Variants in OSBPL10 observed in about 807,000 individuals in gnomAD.
The protein encoded by OSBPL10 is oxysterol binding protein like 10.
OSBPL10 carries 49 observed loss-of-function variants against 81.7 expected under a neutral mutation model. The observed-to-expected ratio is 0.60, with a 90% CI of 0.48 to 0.76. The LOEUF is 0.76. Among genes scored for constraint, OSBPL10 ranks in the 30% least tolerant of loss-of-function variants. The probability of loss-of-function intolerance (pLI) is 0.00; values close to 1 mark genes in which losing one functional copy is unlikely to be tolerated. For missense variants in OSBPL10, 923 were observed against 987.8 expected, an observed-to-expected ratio of 0.93 and a Z score of 0.88; for synonymous variants, 419 against 383.6, an observed-to-expected ratio of 1.09 and a Z score of -1.08.
chr3:31,930,300 C>G (rs1697204984), intron 1 of OSBPL10, among the ~76,000 whole-genome samples: 1 of 152,098 alleles, frequency 6.6e-6, no homozygotes, highest in African/African-American at 2.4e-5. Flanking sequence ...CCTGAGAAAT[C>G]ATTTTTACCT....
At chr3:31,951,756 A>G (rs762507868) in intron 1 of OSBPL10, among the ~76,000 whole-genome samples, 1 of 151,608 alleles carries the variant, frequency 6.6e-6, no homozygotes, top group Non-Finnish European at 1.5e-5. Flanking sequence ...AGTATTTATT[A>G]TTATTCCCAT....
rs571450264 is a variant in OSBPL10, at chr3:32,042,873, CCAAAGATCACAAGGCAAAGGGCAAAAG to C, written n.298+3591_298+3617del. Among the ~76,000 whole-genome samples the C allele has an allele frequency of 3.4e-4, 52 of 152,110 alleles. No individual in the cohort carries two copies. The South Asian group carries it at 8.9e-3, about 26-fold the overall frequency. ...AAAATCAGAAACTCCTGATAAGGGTCCAAAGATCACAAGGCAAAGGGCAAAAGCAAAGATCACAAGGCAAAGGGCAAA... is the reference window on the plus strand; with the variant it reads ...AAAATCAGAAACTCCTGATAAGGGTCCAAAGATCACAAGGCAAAGGGCAAA... On this transcript the variant is annotated intron_variant and non_coding_transcript_variant, in intron 2 of 3. Coordinates refer to the OSBPL10 transcript ENST00000479173.
chr3:31,734,817 A>T (rs528835403), intron 5 of OSBPL10, among the ~76,000 whole-genome samples: 3 of 152,348 alleles, frequency 2.0e-5, no homozygotes, highest in African/African-American at 7.2e-5. Context: ...GTCTAAAAGC[A>T]AAAAAAGAAA....
intron 2 of OSBPL10, among the ~76,000 whole-genome samples, chr3:31,999,359 C>CT (rs5847729): frequency 0.38 from 47,856 of 125,494 alleles, 10,080 homozygotes; most frequent in African/African-American, 0.51. Flanking sequence ...ATATCAAAAT[C>CT]TTTTTTTTTT....
In OSBPL10 at chr3:31,754,371, G is replaced by C. The variant is rs192261211; in HGVS notation, c.730-6251C>G. Among the ~76,000 whole-genome samples the C allele has an allele frequency of 2.7e-4, 41 of 152,266 alleles. No individual in the cohort carries two copies. The East Asian group carries it at 6.6e-3, about 24-fold the overall frequency. On this transcript the variant is annotated intron_variant, in intron 4 of 11. Coordinates refer to ENST00000396556, the MANE Select transcript of OSBPL10 (RefSeq NM_017784.5). ...TTTCTCTCAGTAGGGCTAAGAGAGT[G>C]ACGGTGGCAATAACGGACAAGATGA... is the stretch of plus-strand genomic sequence containing the variant.
intron 4 of OSBPL10, among the ~76,000 whole-genome samples, chr3:31,810,732 G>A (rs1488885938): frequency 6.6e-6 from 1 of 152,160 alleles, no homozygotes; most frequent in Non-Finnish European, 1.5e-5. Context: ...AAAATTATGA[G>A]ATACAAGTTT....
At chr3:31,876,375 G>C in intron 3 of OSBPL10, 58 bp downstream of exon 3, 1 of 1,418,466 alleles carries the variant, frequency 7.0e-7, no homozygotes, top group South Asian at 1.2e-5. Context: ...AACAAATAAT[G>C]GGGCTGAAAG....
In OSBPL10 at chr3:31,716,634, C is replaced by G. The variant is rs185762639; in HGVS notation, c.1096-14126G>C. On this transcript the variant is annotated intron_variant, in intron 6 of 11. Coordinates refer to ENST00000396556, the MANE Select transcript of OSBPL10 (RefSeq NM_017784.5). Reference sequence around the variant, plus strand: ...GCCCCTCAGATTCTCCAAACCCAATCCTAGGCGGCCAGTGAGGAGACGGCT... The same window carrying G: ...GCCCCTCAGATTCTCCAAACCCAATGCTAGGCGGCCAGTGAGGAGACGGCT... Among the ~76,000 whole-genome samples, 14 of 152,308 alleles carry G rather than the reference C, an allele frequency of 9.2e-5. No individual in the cohort carries two copies. The South Asian group carries it at 2.9e-3, about 32-fold the overall frequency.
intron 4 of OSBPL10, among the ~76,000 whole-genome samples, chr3:31,783,453 A>G (rs1326682997): frequency 1.3e-5 from 2 of 151,732 alleles, no homozygotes; most frequent in Non-Finnish European, 2.9e-5. Flanking sequence ...AATCACCACT[A>G]AAGAACTTTT....
chr3:31,715,794 T>C (rs1429142970), intron 6 of OSBPL10, among the ~76,000 whole-genome samples: 1 of 152,222 alleles, frequency 6.6e-6, no homozygotes, highest in Non-Finnish European at 1.5e-5. Flanking sequence ...AAATCATTAT[T>C]GACTTATGCT....
chr3:31,823,465 T>C (rs1575567637), intron 4 of OSBPL10, among the ~76,000 whole-genome samples: 1 of 152,162 alleles, frequency 6.6e-6, no homozygotes, highest in East Asian at 1.9e-4. Context: ...TCTAGGGCAG[T>C]GCTATCCAAG....
intron 10 of OSBPL10, among the ~76,000 whole-genome samples, chr3:31,668,161 T>C (rs541942553): frequency 1.4e-4 from 21 of 152,094 alleles, no homozygotes; most frequent in African/African-American, 4.8e-4. Context: ...GATTCATGAA[T>C]TGAAAGCTAC....
chr3:31,856,602 T>G (rs1700918135), intron 3 of OSBPL10, among the ~76,000 whole-genome samples: 1 of 152,238 alleles, frequency 6.6e-6, no homozygotes, highest in Non-Finnish European at 1.5e-5. Flanking sequence ...CCTCATACTC[T>G]GCTTTTCAAC....
rs145444448 is a variant in OSBPL10 at position 31,830,183 on chromosome 3, T to C, written c.586A>G (p.Thr196Ala). Residue 196 changes from threonine to alanine, a missense_variant, in exon 4 of 12, where the codon ACA (threonine) becomes GCA (alanine). Transcript: ENST00000396556. ...SRSLTLLPHG[T>A]PNSASPCSQR... The stretch of plus-strand genomic sequence containing the variant: ...CTACAGGGAGACGCAGAATTGGGTG[T>C]TCCATGTGGGAGCAAAGTGAGACTT... 1.2e-6 allele frequency: 2 copies of C among 1,614,130 alleles called. No homozygotes were observed. Among genetic ancestry groups the C allele is most frequent in the Middle Eastern group, 1.6e-4 (1 of 6,062 alleles).
At chr3:31,880,133 CAG>C (rs1695519283) in intron 1 of OSBPL10, among the ~76,000 whole-genome samples, 1 of 152,232 alleles carries the variant, frequency 6.6e-6, no homozygotes, top group South Asian at 2.1e-4. Flanking sequence ...CTCAGAATGA[CAG>C]AGACTGGCAG....
intron 10 of OSBPL10, among the ~76,000 whole-genome samples, chr3:31,664,981 G>A (rs1389827304): frequency 6.6e-6 from 1 of 152,044 alleles, no homozygotes; most frequent in African/African-American, 2.4e-5. Flanking sequence ...TTCCTACCCT[G>A]GCATGGCAGG....
At chr3:31,734,334 A>G (rs1361750424) in intron 5 of OSBPL10, among the ~76,000 whole-genome samples, 1 of 152,028 alleles carries the variant, frequency 6.6e-6, no homozygotes, top group Admixed American at 6.6e-5. Flanking sequence ...TTTTACTCTA[A>G]TTTTTTTTAA....
chr3:31,925,961 C>T (rs371500885), intron 1 of OSBPL10, among the ~76,000 whole-genome samples: 180 of 152,292 alleles, frequency 1.2e-3, no homozygotes, highest in Non-Finnish European at 1.5e-3. Context: ...TCCTACTGAT[C>T]CATCGAGACC....
intron 6 of OSBPL10, among the ~76,000 whole-genome samples, chr3:31,720,881 CAAAAAAAAAAA>C (rs61492992): frequency 3.6e-4 from 24 of 66,316 alleles, no homozygotes; most frequent in African/African-American, 1.4e-3. Context: ...GACTCTGTCT[CAAAAAAAAAAA>C]AAAAAAAAAA....
Sources: gnomAD v4.1 joint callset for allele counts (sites outside exome capture counted in the v4.1 genomes callset) on GRCh38, gnomAD v4.1.1 for gene constraint, MANE v1.5 for transcripts, NCBI Gene and HGNC (gene_info 2026-07-23, HGNC 2026-07-21) for gene names.